Variants in ZNF569 observed in about 807,000 individuals in gnomAD.
The protein encoded by ZNF569 is zinc finger protein 569, also known as DNA-binding protein.
ZNF569 carries 38 observed loss-of-function variants against 56.3 expected under a neutral mutation model. The ratio of observed to expected loss-of-function variants is 0.68; its 90% confidence interval spans 0.52 to 0.88. The LOEUF (loss-of-function observed/expected upper bound fraction) is 0.88, where lower values mean the gene tolerates loss of function less well. Ranked by LOEUF, ZNF569 falls within the 40% of genes least tolerant of loss-of-function variation. ZNF569 has a pLI of 0.00. For missense variants in ZNF569, 666 were observed against 809.2 expected, an observed-to-expected ratio of 0.82 and a Z score of 2.15; for synonymous variants, 241 against 262.9, an observed-to-expected ratio of 0.92 and a Z score of 0.81.
Position 37,413,047 on chromosome 19 carries a change from A to G in ZNF569, c.1611T>C (p.Leu537=), listed in dbSNP as rs907314711. 1 of 1,613,862 alleles carries G rather than the reference A, an allele frequency of 6.2e-7. No individual in the cohort carries two copies. The highest frequency in any genetic ancestry group is 8.5e-7 in the Non-Finnish European group (1 of 1,179,940). The change falls in exon 6 of 6, where the codon CTT becomes CTC. Residue 537 remains leucine (L), a synonymous_variant. Coordinates refer to ENST00000316950, the MANE Select transcript of ZNF569 (RefSeq NM_152484.3). ...CTGTATGACTTCTCAAATGAAGGGT[A>G]AGGGATGCAATTTGAGAGAAGGCTT... ...CGKAFSQIAS[L]TLHLRSHTGE... is the part of the protein sequence containing the mutation.
chr19:37,467,611 A>G (rs2041869873), upstream of ZNF569: 7 of 546,330 alleles, frequency 1.3e-5, no homozygotes, highest in Non-Finnish European at 2.3e-5. Context: ...ACCTGAGGCT[A>G]GAATACAGCG....
At chr19:37,458,438 C>T (rs1030233793) in intron 2 of ZNF569, among the ~76,000 whole-genome samples, 5 of 152,222 alleles carry the variant, frequency 3.3e-5, no homozygotes, top group Non-Finnish European at 7.3e-5. Context: ...TGCCTAAAAA[C>T]TATCTCTTGA....
chr19:37,468,962 C>T, upstream of ZNF569: 1 of 784,234 alleles, frequency 1.3e-6, no homozygotes, highest in Non-Finnish European at 1.5e-6. Flanking sequence ...GCGCCACTAG[C>T]GCGTTCCCAC....
intron 2 of ZNF569, among the ~76,000 whole-genome samples, chr19:37,454,118 T>C (rs977709706): frequency 2.0e-5 from 3 of 152,180 alleles, no homozygotes; most frequent in African/African-American, 2.4e-5. Context: ...GTCATTGCTG[T>C]GGTTACACTG....
intron 3 of ZNF569, among the ~76,000 whole-genome samples, chr19:37,440,600 A>C (rs1293071669): frequency 6.6e-6 from 1 of 152,208 alleles, no homozygotes; most frequent in African/African-American, 2.4e-5. Flanking sequence ...AAATAAGGTG[A>C]AATAAGTAAA....
chr19:37,428,285 C>A (rs1264939106), intron 3 of ZNF569, among the ~76,000 whole-genome samples: 1 of 152,048 alleles, frequency 6.6e-6, no homozygotes, highest in East Asian at 1.9e-4. Context: ...GGTGGGAGAA[C>A]TGCTTGAGGC....
chr19:37,416,426 T>A (rs1282200972), intron 5 of ZNF569, among the ~76,000 whole-genome samples: 1 of 152,024 alleles, frequency 6.6e-6, no homozygotes, highest in Non-Finnish European at 1.5e-5. Flanking sequence ...TACAAACAAC[T>A]ACAGTCATCC....
chr19:37,455,627 G>A (rs537408819), intron 2 of ZNF569, among the ~76,000 whole-genome samples: 14 of 152,224 alleles, frequency 9.2e-5, no homozygotes, highest in Admixed American at 1.3e-4. Flanking sequence ...TCTAGTTAGC[G>A]TGAACTAACT....
intron 2 of ZNF569, among the ~76,000 whole-genome samples, chr19:37,454,228 GT>G (rs2032615655): frequency 6.6e-6 from 1 of 152,066 alleles, no homozygotes; most frequent in South Asian, 2.1e-4. Context: ...TTCTCCCTTA[GT>G]TTTGGGTGTT....
rs752535031 is a variant in ZNF569 at position 37,413,266 on chromosome 19, T to G, written c.1392A>C (p.Lys464Asn). The G allele has an allele frequency of 1.2e-6, 2 of 1,610,996 alleles. No individual in the cohort carries two copies. Among genetic ancestry groups the G allele is most frequent in the South Asian group, 1.1e-5 (1 of 90,460 alleles). Residue 464 changes from lysine to asparagine, a missense_variant, in exon 6 of 6, where the codon AAA (lysine) becomes AAC (asparagine). Transcript: ENST00000316950. ...VRHQRIHTGE[K>N]PYICKECGKA... ...TCCCACATTCCTTACATATATAGGGTTTTTCCCCAGTATGAATTCTCTGGT... is the reference window on the plus strand; with the variant it reads ...TCCCACATTCCTTACATATATAGGGGTTTTCCCCAGTATGAATTCTCTGGT...
intron 3 of ZNF569, among the ~76,000 whole-genome samples, chr19:37,428,235 G>C (rs567603149): frequency 1.4e-4 from 22 of 152,134 alleles, no homozygotes; most frequent in Admixed American, 3.3e-4. Flanking sequence ...AGCTAGGCGC[G>C]GTGGCTCACG....
chr19:37,412,782 G>A lies in ZNF569; in HGVS notation c.1876C>T (p.Arg626Ter), dbSNP rs867208836. The A allele has an allele frequency of 1.6e-5, 26 of 1,613,328 alleles. No homozygotes were observed. Among genetic ancestry groups the A allele is most frequent in the African/African-American group, 2.7e-5 (2 of 74,760 alleles). The change falls in exon 6 of 6, where the codon CGA becomes TGA. Residue 626 changes from arginine to a stop codon, truncating the protein, a stop_gained. Coordinates refer to ENST00000316950, the MANE Select transcript of ZNF569 (RefSeq NM_152484.3). LOFTEE classifies it high-confidence loss of function. ...SQSSSLTIHI[R>*]GHTGEKPFDC... is the part of the protein sequence containing the mutation. ...AAGGGTTTCTCACCTGTATGTCCTC[G>A]TATATGTATAGTAAGGGATGAGCTT...
At chr19:37,440,723 C>G (rs1031069866) in intron 3 of ZNF569, among the ~76,000 whole-genome samples, 1 of 152,082 alleles carries the variant, frequency 6.6e-6, no homozygotes, top group Non-Finnish European at 1.5e-5. Flanking sequence ...AAATGAAGAG[C>G]TCCAATAAAG....
intron 3 of ZNF569, among the ~76,000 whole-genome samples, chr19:37,434,485 C>T (rs1177892803): frequency 5.3e-5 from 8 of 152,086 alleles, no homozygotes; most frequent in Non-Finnish European, 4.4e-5. Context: ...TCAGGAGATC[C>T]AGACCATCAT....
At chr19:37,441,421 C>T (rs1457774289) in intron 3 of ZNF569, among the ~76,000 whole-genome samples, 1 of 152,012 alleles carries the variant, frequency 6.6e-6, no homozygotes, top group Non-Finnish European at 1.5e-5. Flanking sequence ...TTTGGGAGGC[C>T]GAGAGGCAGG....
intron 3 of ZNF569, among the ~76,000 whole-genome samples, chr19:37,427,304 A>T (rs1166066561): frequency 6.6e-6 from 1 of 152,040 alleles, no homozygotes; most frequent in Non-Finnish European, 1.5e-5. Flanking sequence ...GTGGCAGAGC[A>T]AGGCCCTGTC....
At position 37,439,251 on chromosome 19, in the gene ZNF569, A is replaced by G. The variant is rs140862117; in HGVS notation, c.15+5656T>C. Among the ~76,000 whole-genome samples, 11 of 152,218 alleles carry G rather than the reference A, an allele frequency of 7.2e-5. No individual in the cohort carries two copies. The East Asian group carries it at 2.1e-3, about 29-fold the overall frequency. The stretch of plus-strand genomic sequence containing the variant: ...ATGCCTGGCTCATTTTCGTATTCTT[A>G]GTAGAGACGGGGTTTCACCATGTTG... On this transcript the variant is annotated intron_variant, in intron 3 of 5. Transcript: ENST00000316950.
At chr19:37,437,354 GACAGACTC>G (rs1189962736) in intron 3 of ZNF569, among the ~76,000 whole-genome samples, 3 of 152,104 alleles carry the variant, frequency 2.0e-5, no homozygotes, top group Admixed American at 6.6e-5. Flanking sequence ...AGCCATATAT[GACAGACTC>G]ACAGCTAGTA....
upstream of ZNF569, among the ~76,000 whole-genome samples, chr19:37,468,750 C>T (rs934655497): frequency 7.2e-5 from 11 of 152,316 alleles, no homozygotes; most frequent in South Asian, 2.1e-3. Flanking sequence ...TCGTGATCTG[C>T]CCACCTTGGC....
Sources: allele counts gnomAD v4.1 joint callset (sites outside exome capture counted in the v4.1 genomes callset), GRCh38; gene constraint gnomAD v4.1.1; transcripts MANE v1.5; gene names NCBI Gene and HGNC (gene_info 2026-07-23, HGNC 2026-07-21).